PIEZO1: variants seen among roughly 807,000 people sequenced by gnomAD.
PIEZO1 encodes piezo-type mechanosensitive ion channel component 1.
In PIEZO1, 296 loss-of-function variants were observed where a neutral mutation model predicts 297.2. That is an observed-to-expected ratio of 1.00 (90% CI 0.91 to 1.10). The LOEUF is 1.10. Among genes scored for constraint, PIEZO1 ranks in the 50% least tolerant of loss-of-function variants. The pLI is 0.00. For synonymous variants in PIEZO1, 2,427 were observed against 1,507.5 expected (o/e 1.61, Z -14.13); for missense variants, 5,018 against 3,455.5 (o/e 1.45, Z -11.34).
Position 88,722,855 on chromosome 16 carries a change from G to C in PIEZO1, c.4650C>G (p.Leu1550=). ...GGCTCACCTGCAGGAGCTCCTGTGT[G>C]AGGAGGTAGCGCTCTGCCCGCAGCA... ...SDVLRAERYL[L]TQELLQGGEV... is the part of the protein sequence containing the mutation. Residue 1550 remains leucine, a synonymous_variant, in exon 34 of 51, where the codon CTC becomes CTG. Transcript: ENST00000301015. 1 of 1,547,222 alleles carries C rather than the reference G, an allele frequency of 6.5e-7. No individual in the cohort carries two copies. Among genetic ancestry groups the C allele is most frequent in the Non-Finnish European group, 8.7e-7 (1 of 1,146,734 alleles).
At chr16:88,755,498 G>C (rs148032513) in intron 1 of PIEZO1, among the ~76,000 whole-genome samples, 4 of 152,224 alleles carry the variant, frequency 2.6e-5, no homozygotes, top group Non-Finnish European at 5.9e-5. Context: ...CCCAGGGCAC[G>C]ATACGAGCCC....
intron 2 of PIEZO1, among the ~76,000 whole-genome samples, 185 bp from the exon 3 acceptor site, chr16:88,742,607 ACT>A (rs1435205810): frequency 6.6e-6 from 1 of 152,054 alleles, no homozygotes; most frequent in African/African-American, 2.4e-5. Flanking sequence ...CCCGAGGGTC[ACT>A]CTTGTCACAA....
intron 40 of PIEZO1, 21 bp downstream of exon 40, chr16:88,720,595 C>G (rs775467751): frequency 6.5e-7 from 1 of 1,536,240 alleles, no homozygotes; most frequent in South Asian, 1.2e-5. Context: ...TCCCCAGCTG[C>G]CCCCGGCCGC....
chr16:88,765,033 C>G (rs1434749761), intron 1 of PIEZO1, among the ~76,000 whole-genome samples: 1 of 152,234 alleles, frequency 6.6e-6, no homozygotes, highest in East Asian at 1.9e-4. Flanking sequence ...CCCACTGTGT[C>G]CTCAGCGGTG....
intron 1 of PIEZO1, among the ~76,000 whole-genome samples, chr16:88,770,627 T>C (rs1419801121): frequency 6.6e-6 from 1 of 152,016 alleles, no homozygotes; most frequent in Non-Finnish European, 1.5e-5. Context: ...CGGTCCTGGG[T>C]GGGGGTACTC....
rs1335711053 is a variant in PIEZO1, at chr16:88,726,922, T to G, written c.3492A>C (p.Arg1164=). 3 of 1,550,126 alleles carry G rather than the reference T, an allele frequency of 1.9e-6. No homozygotes were observed. The highest frequency in any genetic ancestry group is 2.0e-5 in the Admixed American group (1 of 50,984). The change falls in exon 25 of 51, where the codon CGA becomes CGC. Residue 1164 remains arginine, a synonymous_variant. Transcript: ENST00000301015. The part of the protein sequence containing the change: ...YLDMLKVAVF[R]YLFWLVLVVV... The stretch of plus-strand genomic sequence containing the variant: ...CCACCAGCACCAGCCAGAACAGGTA[T>G]CGGAAGACGGCCACCTTCAGCATGT...
Position 88,737,547 on chromosome 16 carries a change from T to C in PIEZO1, c.1195+12A>G. On this transcript the variant is annotated intron_variant, in intron 10 of 50. Transcript: ENST00000301015. ...CCGCACCCAGCCATACCTTGCAGTG[T>C]GCGGTACTCACCAGGCCGCCGCAGG... 1 of 1,515,842 alleles carries C rather than the reference T, an allele frequency of 6.6e-7. No homozygotes were observed. Among genetic ancestry groups the C allele is most frequent in the Non-Finnish European group, 8.8e-7 (1 of 1,130,564 alleles). 93.9% of individuals were successfully genotyped at this position (1,515,842 alleles called of 1,614,324 possible). A position where few individuals can be genotyped will look rare whatever the true frequency, so the allele number is the denominator to read the frequency against.
chr16:88,738,207 G>A lies in PIEZO1; in HGVS notation c.848+20C>T, dbSNP rs1033980120. 2.0e-6 allele frequency: 3 copies of A among 1,534,418 alleles called. No individual in the cohort carries two copies. In the Admixed American group the frequency reaches 5.9e-5, roughly 30 times the overall value. On this transcript the variant is annotated intron_variant, in intron 7 of 50. Transcript: ENST00000301015. ...GGGACCAGGGTGGCAGGAAAAAGGGGCTGTGTGGCAAGCCGTTACCTAGCC... is the reference window on the plus strand; with the variant it reads ...GGGACCAGGGTGGCAGGAAAAAGGGACTGTGTGGCAAGCCGTTACCTAGCC...
Position 88,715,469 on chromosome 16 carries a change from A to AGGCAGGCCG in PIEZO1, c.*127_*135dup. On this transcript the variant is annotated 3_prime_UTR_variant, in exon 51 of 51. Transcript: ENST00000301015. Reference sequence around the variant, plus strand: ...TTCTCTGACAGCAGCATCAGGGCTCAGGCAGGCCGGGAGGATGCATCACAG... The same window carrying AGGCAGGCCG: ...TTCTCTGACAGCAGCATCAGGGCTCAGGCAGGCCGGGCAGGCCGGGAGGATGCATCACAG... 1 of 1,029,064 alleles carries AGGCAGGCCG rather than the reference A, an allele frequency of 9.7e-7. No homozygotes were observed. Among genetic ancestry groups the AGGCAGGCCG allele is most frequent in the Non-Finnish European group, 1.4e-6 (1 of 712,204 alleles). The allele number at this position is 1,029,064 out of a possible 1,614,324, so 63.7% of individuals were successfully genotyped here.
At chr16:88,743,751 G>T (rs1285440830) in intron 2 of PIEZO1, 1 of 420,882 alleles carries the variant, frequency 2.4e-6, no homozygotes, top group Non-Finnish European at 4.9e-6. Context: ...AGGACTCCCT[G>T]TCCGCACCAC....
chr16:88,762,995 T>A (rs557752629), intron 1 of PIEZO1, among the ~76,000 whole-genome samples: 20 of 152,286 alleles, frequency 1.3e-4, no homozygotes, highest in African/African-American at 4.6e-4. Flanking sequence ...ACCACAGCTT[T>A]CCATGAGCAG....
At chr16:88,723,362 C>A (rs1415109813) in intron 31 of PIEZO1, 34 bp from the exon 32 acceptor site, 16 of 1,535,092 alleles carry the variant, frequency 1.0e-5, no homozygotes, top group Non-Finnish European at 1.4e-5. Context: ...GACCCGGCCT[C>A]CCGAGCCATC....
At chr16:88,776,426 T>G (rs1270302834) in intron 1 of PIEZO1, among the ~76,000 whole-genome samples, 2 of 150,282 alleles carry the variant, frequency 1.3e-5, no homozygotes, top group African/African-American at 5.0e-5. Context: ...AGAGCGAGAC[T>G]CTGTCTCAAA....
At chr16:88,766,846 AG>A (rs1161454300) in intron 1 of PIEZO1, among the ~76,000 whole-genome samples, 1 of 152,232 alleles carries the variant, frequency 6.6e-6, no homozygotes, top group Non-Finnish European at 1.5e-5. Context: ...TCAGGCCACG[AG>A]GGCCGGGGCC....
At position 88,784,944 on chromosome 16, in the gene PIEZO1, G is replaced by T; in HGVS notation, c.21C>A (p.Gly7=). 1 of 1,391,846 alleles carries T rather than the reference G, an allele frequency of 7.2e-7. No individual in the cohort carries two copies. The allele number at this position is 1,391,846 out of a possible 1,614,324, so 86.2% of individuals were successfully genotyped here. A position where few individuals can be genotyped will look rare whatever the true frequency, so the allele number is the denominator to read the frequency against. The change falls in exon 1 of 51, where the codon GGC becomes GGA. Residue 7 remains glycine, a synonymous_variant. Coordinates refer to ENST00000301015, the MANE Select transcript of PIEZO1 (RefSeq NM_001142864.4). ...GCAGCAGCAGCCAGTACAGGACCGCGCCGAGCACGTGCGGCTCCATGGCTG... is the reference window on the plus strand; with the variant it reads ...GCAGCAGCAGCCAGTACAGGACCGCTCCGAGCACGTGCGGCTCCATGGCTG... The part of the protein sequence containing the change: MEPHVL[G]AVLYWLLLPC...
intron 44 of PIEZO1, chr16:88,717,650 A>T (rs991136236): frequency 2.2e-6 from 1 of 450,948 alleles, no homozygotes; most frequent in South Asian, 1.6e-5. Context: ...TAAACCAGAT[A>T]TTACCAAAAT....
chr16:88,745,573 T>C (rs576682200), intron 2 of PIEZO1: 4 of 152,100 alleles, frequency 2.6e-5, no homozygotes, highest in African/African-American at 9.6e-5. Flanking sequence ...TGAAACCCTG[T>C]TTCTACTGAA....
In PIEZO1 at chr16:88,736,228, G is replaced by T. The variant is rs1359947598; in HGVS notation, c.1477C>A (p.Pro493Thr). 1.3e-6 allele frequency: 2 copies of T among 1,549,948 alleles called. No individual in the cohort carries two copies. Among genetic ancestry groups the T allele is most frequent in the Non-Finnish European group, 1.7e-6 (2 of 1,146,752 alleles). The change falls in exon 12 of 51, where the codon CCC becomes ACC. Residue 493 changes from proline (P) to threonine (T), a missense_variant. By Grantham distance (38) the Pro-to-Thr change is conservative. Coordinates refer to ENST00000301015, the MANE Select transcript of PIEZO1 (RefSeq NM_001142864.4). ...VWAMDLRPEL[P>T]TTLGPVSLRQ... ...AGGCTGACGGGGCCCAGGGTGGTGG[G>T]CAGCTCAGGGCGCAGGTCCATGGCC...
At chr16:88,723,454 T>A (rs1319916989) in intron 31 of PIEZO1, 126 bp from the exon 32 acceptor site, 2 of 1,106,642 alleles carry the variant, frequency 1.8e-6, no homozygotes, top group Non-Finnish European at 2.6e-6. Context: ...GACCTCCGTG[T>A]CCCTGAGCCC....
Sources: allele counts gnomAD v4.1 joint callset (sites outside exome capture counted in the v4.1 genomes callset), GRCh38; gene constraint gnomAD v4.1.1; transcripts MANE v1.5; gene names NCBI Gene and HGNC (gene_info 2026-07-23, HGNC 2026-07-21).